The following RIC1 variants were observed in gnomAD, a reference collection of about 807,000 sequenced individuals.
The protein encoded by RIC1 is guanine nucleotide exchange factor subunit RIC1.
A neutral mutation model predicts 169.0 loss-of-function variants in RIC1; 88 were observed. The observed-to-expected ratio is 0.52, with a 90% CI of 0.44 to 0.62. RIC1 has a LOEUF of 0.62. Ranked by LOEUF, RIC1 falls within the 20% of genes least tolerant of loss-of-function variation. RIC1 has a pLI of 0.00. For synonymous variants in RIC1, 790 were observed against 601.5 expected (o/e 1.31, Z -4.59); for missense variants, 1,877 against 1,725.5 (o/e 1.09, Z -1.56).
Position 5,769,049 on chromosome 9 carries a change from G to A in RIC1, c.3217G>A (p.Asp1073Asn). Reference sequence around the variant, plus strand: ...GAGACATGCTCGGCGCCTCTTAGAAGATGTGAGGTTAAAGGACCTTGGCTG... The same window carrying A: ...GAGACATGCTCGGCGCCTCTTAGAAAATGTGAGGTTAAAGGACCTTGGCTG... ...LWRHARRLLE[D>N]VRLKDLGCFA... The change falls in exon 22 of 26, where the codon GAT becomes AAT. Residue 1073 changes from aspartate to asparagine, a missense_variant. Physicochemically the swap from Asp to Asn is conservative, Grantham distance 23. Coordinates refer to ENST00000414202, the MANE Select transcript of RIC1 (RefSeq NM_020829.4). The A allele has an allele frequency of 3.1e-6, 5 of 1,614,102 alleles. No individual in the cohort carries two copies. The highest frequency in any genetic ancestry group is 4.2e-6 in the Non-Finnish European group (5 of 1,179,982).
intron 3 of RIC1, among the ~76,000 whole-genome samples, chr9:5,705,071 A>G (rs919389632): frequency 1.4e-4 from 21 of 152,038 alleles, no homozygotes; most frequent in African/African-American, 4.8e-4. Context: ...GTAGCTTTGC[A>G]GTAGGTTTTG....
intron 6 of RIC1, among the ~76,000 whole-genome samples, chr9:5,731,800 C>T (rs759222888): frequency 1.3e-5 from 2 of 152,010 alleles, no homozygotes; most frequent in African/African-American, 4.8e-5. Flanking sequence ...GAGGTAAATA[C>T]GATAAGAAAA....
At position 5,763,288 on chromosome 9, in the gene RIC1, C is replaced by G. The variant is rs1268276674; in HGVS notation, c.2261C>G (p.Pro754Arg). The G allele has an allele frequency of 6.2e-7, 1 of 1,614,028 alleles. No homozygotes were observed. Among genetic ancestry groups the G allele is most frequent in the Admixed American group, 1.7e-5 (1 of 60,008 alleles). The change falls in exon 19 of 26, where the codon CCT (proline) becomes CGT (arginine). Residue 754 changes from proline (P) to arginine (R), a missense_variant. By Grantham distance (103) the Pro-to-Arg change is moderately radical (BLOSUM62 -2). This residue lies in a region of RIC1 where 1,104 missense variants were observed against 992.0 expected (regional missense o/e 1.11). Coordinates refer to ENST00000414202, the MANE Select transcript of RIC1 (RefSeq NM_020829.4). This position sits in a 1 kb window ranked among gnomAD's most constrained non-coding sequence, Gnocchi z 5.2. The stretch of plus-strand genomic sequence containing the variant: ...ATGAAAGTTTGGCTCCCTCTCTTCC[C>G]TAGGGATCACCGCAAGCCCCATTCC... ...AGMKVWLPLF[P>R]RDHRKPHSFL... is the part of the protein sequence containing the mutation.
chr9:5,666,966 A>T (rs1161126380), intron 2 of RIC1, among the ~76,000 whole-genome samples: 1 of 152,006 alleles, frequency 6.6e-6, no homozygotes, highest in African/African-American at 2.4e-5. Context: ...GATTTTTGTG[A>T]TTTGAATCAT....
At chr9:5,772,463 T>C in intron 23 of RIC1, 101 bp from the exon 24 acceptor site, 2 of 923,826 alleles carry the variant, frequency 2.2e-6, no homozygotes, top group East Asian at 2.7e-5. Flanking sequence ...AGTTTCAAGA[T>C]CCTGAGAAAT....
intron 11 of RIC1, among the ~76,000 whole-genome samples, chr9:5,747,080 T>C (rs1356693374): frequency 6.6e-6 from 1 of 152,246 alleles, no homozygotes. Context: ...ACTGGCTTTC[T>C]AGCTGAAATC....
intron 2 of RIC1, among the ~76,000 whole-genome samples, chr9:5,669,159 C>G (rs556794294): frequency 1.3e-5 from 2 of 152,138 alleles, no homozygotes; most frequent in South Asian, 2.1e-4. Context: ...TTTGTTTTCT[C>G]TGTTGCCAGC....
chr9:5,721,119 C>A (rs1823561186), intron 6 of RIC1, among the ~76,000 whole-genome samples: 1 of 152,320 alleles, frequency 6.6e-6, no homozygotes, highest in African/African-American at 2.4e-5. Context: ...TTACTTCCCT[C>A]TTCCCTGCTT....
At chr9:5,661,081 A>G (rs891034131) in intron 2 of RIC1, among the ~76,000 whole-genome samples, 1 of 152,148 alleles carries the variant, frequency 6.6e-6, no homozygotes, top group South Asian at 2.1e-4. Flanking sequence ...AGCACCATAT[A>G]TTACATGGGG....
chr9:5,657,254 G>A (rs541023700), intron 2 of RIC1, among the ~76,000 whole-genome samples: 4 of 152,016 alleles, frequency 2.6e-5, no homozygotes, highest in African/African-American at 9.6e-5. Context: ...ATTTGGATCT[G>A]TTTCTCCTTT....
In RIC1 at chr9:5,763,395, G is replaced by T; in HGVS notation, c.2368G>T (p.Gly790Cys). 1 of 1,614,080 alleles carries T rather than the reference G, an allele frequency of 6.2e-7. No individual in the cohort carries two copies. Residue 790 changes from glycine to cysteine, a missense_variant, in exon 19 of 26, where the codon GGT (glycine) becomes TGT (cysteine). Physicochemically the swap from Gly to Cys is radical, Grantham distance 159. Coordinates refer to ENST00000414202, the MANE Select transcript of RIC1 (RefSeq NM_020829.4). The surrounding 1 kb of genome is among the most constrained non-coding windows in gnomAD (Gnocchi z 5.2). ...AVLFEDALVL[G>C]AVNDTLLYDS... ...TCTGTTTGAAGATGCTTTAGTCCTT[G>T]GTGCTGTCAATGACACTTTGCTCTA...
In RIC1 at chr9:5,747,432, C is replaced by T. The variant is rs1226183162; in HGVS notation, c.1379C>T (p.Pro460Leu). ...CATAAGCCCAGTCGAGAAAAGAGCC[C>T]ATTTGCAGATGGAGGTTTAGAGTCT... is the stretch of plus-strand genomic sequence containing the variant. Reference protein sequence around the residue: ...SEHKPSREKSPFADGGLESQG... With the variant: ...SEHKPSREKSLFADGGLESQG... Residue 460 changes from proline to leucine, a missense_variant, in exon 12 of 26, where the codon CCA becomes CTA. Around this residue, in one of 3 missense-constraint regions of RIC1, gnomAD observed 1,104 missense variants for 992.0 expected, o/e 1.11. Transcript: ENST00000414202. 3 of 1,614,052 alleles carry T rather than the reference C, an allele frequency of 1.9e-6. No homozygotes were observed. The Admixed American group carries it at 5.0e-5, about 27-fold the overall frequency.
chr9:5,690,131 A>G, intron 3 of RIC1, 93 bp downstream of exon 3: 1 of 744,066 alleles, frequency 1.3e-6, no homozygotes, highest in African/African-American at 1.8e-5. Context: ...TAGTGATTAG[A>G]ATAAAACTAA....
chr9:5,629,217 C>T lies in RIC1; in HGVS notation c.-93C>T. ...GAGCTGCCGCCGCCGCCGCCGCCGACTCGGCCGGTGGCGGTGTGGGAGGTG... is the reference window on the plus strand; with the variant it reads ...GAGCTGCCGCCGCCGCCGCCGCCGATTCGGCCGGTGGCGGTGTGGGAGGTG... On this transcript the variant is annotated 5_prime_UTR_variant, in exon 1 of 26. Transcript: ENST00000414202. 1 of 1,233,914 alleles carries T rather than the reference C, an allele frequency of 8.1e-7. No homozygotes were observed. The highest frequency in any genetic ancestry group is 1.0e-6 in the Non-Finnish European group (1 of 975,468). The allele number at this position is 1,233,914 out of a possible 1,614,324, so 76.4% of individuals were successfully genotyped here. A position where few individuals can be genotyped will look rare whatever the true frequency, so the allele number is the denominator to read the frequency against.
chr9:5,777,956 A>G (rs1039749503), downstream of RIC1, among the ~76,000 whole-genome samples: 2 of 152,154 alleles, frequency 1.3e-5, no homozygotes, highest in Non-Finnish European at 2.9e-5. Flanking sequence ...GTATTTCCAT[A>G]TGAATTGCAG....
At chr9:5,665,795 A>G (rs987328903) in intron 2 of RIC1, among the ~76,000 whole-genome samples, 4 of 152,168 alleles carry the variant, frequency 2.6e-5, no homozygotes, top group African/African-American at 9.6e-5. Flanking sequence ...CAAAGATGGC[A>G]GCCTCCTTCT....
rs1439173877 is a variant in RIC1 at position 5,747,361 on chromosome 9, G to T, written c.1308G>T (p.Glu436Asp). Reference sequence around the variant, plus strand: ...ATCGCTTGTACTTGAACTGTGGAGAGGCTTCACAAACCCAGAATCCCAGGA... The same window carrying T: ...ATCGCTTGTACTTGAACTGTGGAGATGCTTCACAAACCCAGAATCCCAGGA... The part of the protein sequence containing the change: ...GEDRLYLNCG[E>D]ASQTQNPRSS... Residue 436 changes from glutamate (E) to aspartate (D), a missense_variant, in exon 12 of 26, where the codon GAG becomes GAT. Glu to Asp is a conservative substitution (Grantham distance 45, BLOSUM62 2). Transcript: ENST00000414202. The T allele has an allele frequency of 6.2e-6, 10 of 1,614,038 alleles. No individual in the cohort carries two copies. Among genetic ancestry groups the T allele is most frequent in the Non-Finnish European group, 8.5e-6 (10 of 1,179,942 alleles).
chr9:5,645,423 T>C (rs1018819372), intron 1 of RIC1, among the ~76,000 whole-genome samples: 2 of 152,218 alleles, frequency 1.3e-5, no homozygotes, highest in African/African-American at 2.4e-5. Flanking sequence ...TTAGCAGATA[T>C]ATACTTCGCA....
chr9:5,653,287 A>G (rs1818909146), intron 1 of RIC1, among the ~76,000 whole-genome samples: 1 of 151,904 alleles, frequency 6.6e-6, no homozygotes, highest in South Asian at 2.1e-4. Flanking sequence ...CCATTGATTG[A>G]TTTGTTTATT....
Sources: allele counts gnomAD v4.1 joint callset (sites outside exome capture counted in the v4.1 genomes callset), GRCh38; gene constraint gnomAD v4.1.1; regional missense constraint gnomAD v4.1.1; non-coding constraint Gnocchi (gnomAD v3.1); transcripts MANE v1.5; gene names NCBI Gene and HGNC (gene_info 2026-07-23, HGNC 2026-07-21).